Variants in PIGF observed in about 807,000 individuals in gnomAD.
The protein encoded by PIGF is phosphatidylinositol glycan anchor biosynthesis class F, also known as GPI ethanolamine phosphate transferase, stabilizing subunit.
Under a neutral mutation model 26.0 loss-of-function variants are expected in PIGF, and 23 were observed. That is an observed-to-expected ratio of 0.88 (90% CI 0.64 to 1.25). PIGF has a LOEUF of 1.25. Among genes scored for constraint, PIGF ranks in the 50% most tolerant of loss-of-function variants. The pLI is 0.00. For missense variants in PIGF, 278 were observed against 249.9 expected (o/e 1.11, Z -0.76); for synonymous variants, 93 against 92.6 (o/e 1.00, Z -0.03).
intron 4 of PIGF, among the ~76,000 whole-genome samples, chr2:46,602,994 G>C (rs1400674089): frequency 6.6e-6 from 1 of 151,808 alleles, no homozygotes; most frequent in Non-Finnish European, 1.5e-5. Flanking sequence ...TATTAGAACT[G>C]ATAAACAAAT....
At chr2:46,585,292 AG>A in intron 5 of PIGF, among the ~76,000 whole-genome samples, 1 of 152,040 alleles carries the variant, frequency 6.6e-6, no homozygotes, top group East Asian at 1.9e-4. Flanking sequence ...AGCCTGGGCA[AG>A]ATAGTGAGAG....
chr2:46,581,226 G>T lies in PIGF; in HGVS notation c.*252C>A. 1.0e-6 allele frequency: 1 copy of T among 977,422 alleles called. No homozygotes were observed. Among genetic ancestry groups the T allele is most frequent in the East Asian group, 2.7e-5 (1 of 37,170 alleles). 60.5% of individuals were successfully genotyped at this position (977,422 alleles called of 1,614,324 possible). On this transcript the variant is annotated 3_prime_UTR_variant, in exon 6 of 6. Transcript: ENST00000281382. ...AAACCTGTCCTCAGAATTCTATAAA[G>T]TGTATTAAGAATGTTCCTTAAAGGT... is the stretch of plus-strand genomic sequence containing the variant.
At chr2:46,593,815 T>C (rs1669797266) in intron 4 of PIGF, among the ~76,000 whole-genome samples, 1 of 152,244 alleles carries the variant, frequency 6.6e-6, no homozygotes, top group Non-Finnish European at 1.5e-5. Context: ...TGTTAGATGA[T>C]TTATTTAACT....
chr2:46,598,363 T>C (rs1007913065), intron 4 of PIGF, among the ~76,000 whole-genome samples: 8 of 152,174 alleles, frequency 5.3e-5, no homozygotes, highest in Non-Finnish European at 1.2e-4. Context: ...CTTCTCATTC[T>C]ACTTAAAACA....
At chr2:46,583,027 A>C (rs1024384179) in intron 5 of PIGF, 2 of 152,206 alleles carry the variant, frequency 1.3e-5, no homozygotes, top group African/African-American at 4.8e-5. Flanking sequence ...TAAAATTGAA[A>C]GGAATTGTAT....
intron 2 of PIGF, 193 bp downstream of exon 2, chr2:46,614,744 T>C (rs932584002): frequency 1.2e-5 from 6 of 504,372 alleles, no homozygotes; most frequent in Non-Finnish European, 2.1e-5. Flanking sequence ...CCATAATTAA[T>C]GCAAGGCAAG....
chr2:46,586,916 G>A (rs771806432), intron 5 of PIGF, among the ~76,000 whole-genome samples: 2 of 152,196 alleles, frequency 1.3e-5, no homozygotes, highest in Non-Finnish European at 2.9e-5. Flanking sequence ...ACTACTTTAG[G>A]AAGAGTTATT....
intron 5 of PIGF, chr2:46,582,376 G>A (rs1235465976): frequency 6.6e-6 from 1 of 151,854 alleles, no homozygotes; most frequent in Non-Finnish European, 1.5e-5. Flanking sequence ...TTCTCTGGGG[G>A]GAACAGGCCA....
chr2:46,603,518 C>T (rs1437602240), intron 4 of PIGF, among the ~76,000 whole-genome samples: 2 of 151,950 alleles, frequency 1.3e-5, no homozygotes, highest in African/African-American at 4.8e-5. Context: ...GGCACATAGA[C>T]CAATAGAACA....
chr2:46,613,185 A>G (rs899968372), intron 3 of PIGF, among the ~76,000 whole-genome samples: 3 of 152,104 alleles, frequency 2.0e-5, no homozygotes, highest in African/African-American at 7.2e-5. Flanking sequence ...AACATTATGT[A>G]AGAAACATTC....
intron 4 of PIGF, among the ~76,000 whole-genome samples, chr2:46,603,370 T>C (rs116814191): frequency 0.066 from 10,029 of 151,998 alleles, 436 homozygotes; most frequent in Non-Finnish European, 0.1. Context: ...TCCTAAAATT[T>C]ATATGGAACC....
intron 4 of PIGF, among the ~76,000 whole-genome samples, chr2:46,611,468 G>A (rs1451110246): frequency 6.7e-6 from 1 of 148,266 alleles, no homozygotes; most frequent in African/African-American, 2.5e-5. Context: ...TGGCGACAGA[G>A]CGAGGTTCCA....
chr2:46,581,299 T>G lies in PIGF; in HGVS notation c.*179A>C. On this transcript the variant is annotated 3_prime_UTR_variant, in exon 6 of 6. Transcript: ENST00000281382. The stretch of plus-strand genomic sequence containing the variant: ...TGAAGCCACAATCTATTATAAATAC[T>G]TTATTTCAACTAGAAGGTACAATCT... The G allele has an allele frequency of 2.0e-6, 2 of 1,002,244 alleles. No homozygotes were observed. The highest frequency in any genetic ancestry group is 3.3e-5 in the African/African-American group (2 of 61,520). 62.1% of individuals were successfully genotyped at this position (1,002,244 alleles called of 1,614,324 possible). A position where few individuals can be genotyped will look rare whatever the true frequency, so the allele number is the denominator to read the frequency against.
chr2:46,592,929 T>A (rs1400109815), intron 4 of PIGF, among the ~76,000 whole-genome samples: 1 of 152,210 alleles, frequency 6.6e-6, no homozygotes, highest in East Asian at 1.9e-4. Context: ...TCCAGAAATA[T>A]TTTATACAGG....
intron 4 of PIGF, among the ~76,000 whole-genome samples, chr2:46,601,340 T>C (rs1360447404): frequency 6.6e-6 from 1 of 152,106 alleles, no homozygotes; most frequent in Non-Finnish European, 1.5e-5. Context: ...CCAAATTATT[T>C]GACTCCACTG....
intron 4 of PIGF, among the ~76,000 whole-genome samples, chr2:46,596,275 G>C (rs941486762): frequency 4.0e-5 from 6 of 151,422 alleles, no homozygotes; most frequent in African/African-American, 1.5e-4. Context: ...AAGTTCCTTG[G>C]GCTAAGAGGC....
chr2:46,613,998 G>T, intron 2 of PIGF: 1 of 462,306 alleles, frequency 2.2e-6, no homozygotes, highest in Non-Finnish European at 3.9e-6. Flanking sequence ...ACCACCTTCC[G>T]CCCATATTCT....
chr2:46,607,423 T>G (rs1472910723), intron 4 of PIGF, among the ~76,000 whole-genome samples: 1 of 152,216 alleles, frequency 6.6e-6, no homozygotes, highest in Non-Finnish European at 1.5e-5. Context: ...ACCACCAGAA[T>G]AAAGCAAATT....
chr2:46,616,746 G>A (rs976988970), intron 1 of PIGF: 1 of 163,790 alleles, frequency 6.1e-6, no homozygotes, highest in South Asian at 1.3e-4. Flanking sequence ...TGAGAGGCAG[G>A]ATCAAAGAGC....
Sources: gnomAD v4.1 joint callset for allele counts (sites outside exome capture counted in the v4.1 genomes callset) on GRCh38, gnomAD v4.1.1 for gene constraint, MANE v1.5 for transcripts, NCBI Gene and HGNC (gene_info 2026-07-23, HGNC 2026-07-21) for gene names.